PARD3: variants seen among roughly 807,000 people sequenced by gnomAD.
PARD3 encodes the protein par-3 family cell polarity regulator.
In PARD3, 75 loss-of-function variants were observed where a neutral mutation model predicts 155.4. The ratio of observed to expected loss-of-function variants is 0.48; its 90% CI spans 0.40 to 0.58. PARD3 has a LOEUF of 0.58. Ranked by LOEUF, PARD3 falls within the 20% of genes least tolerant of loss-of-function variation. The pLI, the probability that PARD3 is intolerant of heterozygous loss-of-function variation, is 0.00. For synonymous variants in PARD3, 576 were observed against 610.5 expected, an observed-to-expected ratio of 0.94 and a Z score of 0.83; for missense variants, 1,642 against 1,721.7, an observed-to-expected ratio of 0.95 and a Z score of 0.82.
intron 20 of PARD3, among the ~76,000 whole-genome samples, chr10:34,301,533 T>C (rs1367469815): frequency 6.6e-6 from 1 of 152,078 alleles, no homozygotes; most frequent in Non-Finnish European, 1.5e-5. Context: ...CTATTACTCC[T>C]TCCCTCTATA....
intron 2 of PARD3, among the ~76,000 whole-genome samples, chr10:34,591,208 C>T (rs1453514863): frequency 2.6e-5 from 4 of 152,126 alleles, no homozygotes; most frequent in Non-Finnish European, 5.9e-5. Flanking sequence ...AATTTGTGAG[C>T]CTGGACCTGC....
intron 3 of PARD3, among the ~76,000 whole-genome samples, chr10:34,480,794 CTTTTTTT>C (rs61461165): frequency 4.8e-5 from 6 of 125,770 alleles, no homozygotes; most frequent in Admixed American, 8.3e-5. Context: ...GTTTCTTTTT[CTTTTTTT>C]TTTTTTTTTT....
At chr10:34,402,160 G>T (rs1251265457) in intron 5 of PARD3, among the ~76,000 whole-genome samples, 2 of 151,648 alleles carry the variant, frequency 1.3e-5, no homozygotes, top group African/African-American at 4.8e-5. Flanking sequence ...GATAAGGAAA[G>T]AAAACAAAAA....
At chr10:34,756,026 T>C (rs188201006) in intron 1 of PARD3, among the ~76,000 whole-genome samples, 234 of 151,882 alleles carry the variant, frequency 1.5e-3, no homozygotes, top group African/African-American at 4.8e-3. Context: ...AAACTTACAA[T>C]AAGTTGTTAA....
chr10:34,566,943 G>C (rs911246240), intron 2 of PARD3, among the ~76,000 whole-genome samples: 4 of 152,078 alleles, frequency 2.6e-5, no homozygotes, highest in African/African-American at 9.7e-5. Flanking sequence ...TTCTAAAATG[G>C]TTCAGGTACT....
intron 5 of PARD3, among the ~76,000 whole-genome samples, chr10:34,421,812 T>C (rs1846214401): frequency 6.6e-6 from 1 of 152,122 alleles, no homozygotes; most frequent in African/African-American, 2.4e-5. Flanking sequence ...ATGTAAAGAA[T>C]TGTATGTATG....
Position 34,348,025 on chromosome 10 carries a change from T to C in PARD3, c.2158A>G (p.Ser720Gly), listed in dbSNP as rs748624847. 1.6e-5 allele frequency: 26 copies of C among 1,613,520 alleles called. No individual in the cohort carries two copies. Among genetic ancestry groups the C allele is most frequent in the Non-Finnish European group, 1.9e-5 (23 of 1,179,790 alleles). Reference protein sequence around the residue: ...RERRISHSLYSGIEGLDESPS... With the variant: ...RERRISHSLYGGIEGLDESPS... ...GATTCATCAAGCCCCTCAATCCCAC[T>C]GTAGAGGGAATGGGAAATTCTTCGT... Residue 720 changes from serine to glycine, a missense_variant, in exon 15 of 25, where the codon AGT becomes GGT. Around this residue, in one of 3 missense-constraint regions of PARD3, gnomAD observed 1,529 missense variants for 1,587.3 expected, o/e 0.96. Transcript: ENST00000374788.
At chr10:34,183,188 T>C (rs1950341185) in intron 22 of PARD3, among the ~76,000 whole-genome samples, 1 of 152,212 alleles carries the variant, frequency 6.6e-6, no homozygotes, top group African/African-American at 2.4e-5. Flanking sequence ...GAACTGACTA[T>C]TAACACAGCA....
At chr10:34,393,506 G>A (rs539551682) in intron 7 of PARD3, among the ~76,000 whole-genome samples, 12 of 151,910 alleles carry the variant, frequency 7.9e-5, no homozygotes, top group East Asian at 1.9e-4. Flanking sequence ...ACCTAAGCCC[G>A]GCAGGTTGAA....
At chr10:34,304,355 A>C (rs958093851) in intron 20 of PARD3, among the ~76,000 whole-genome samples, 3 of 152,020 alleles carry the variant, frequency 2.0e-5, no homozygotes, top group African/African-American at 7.3e-5. Context: ...AAAAAAAAGA[A>C]TTATTTTGGG....
chr10:34,468,324 G>A (rs533152490), intron 4 of PARD3, among the ~76,000 whole-genome samples: 1 of 152,306 alleles, frequency 6.6e-6, no homozygotes, highest in East Asian at 1.9e-4. Flanking sequence ...AACACGTTCT[G>A]TTTGCTGCAA....
chr10:34,607,879 C>G (rs757654829), intron 2 of PARD3, among the ~76,000 whole-genome samples: 1 of 152,102 alleles, frequency 6.6e-6, no homozygotes, highest in Non-Finnish European at 1.5e-5. Flanking sequence ...TTGTGGATAC[C>G]ACCCACCCTG....
chr10:34,116,037 T>C (rs1363702172), intron 24 of PARD3, among the ~76,000 whole-genome samples: 1 of 152,206 alleles, frequency 6.6e-6, no homozygotes, highest in Non-Finnish European at 1.5e-5. Context: ...AAATAAATTA[T>C]TTTAGAAAAA....
At chr10:34,643,510 A>T (rs1381624824) in intron 2 of PARD3, among the ~76,000 whole-genome samples, 1 of 152,280 alleles carries the variant, frequency 6.6e-6, no homozygotes, top group Non-Finnish European at 1.5e-5. Context: ...TAGAACAGGC[A>T]TCAAGGCCTT....
chr10:34,276,843 T>C (rs1955907672), intron 21 of PARD3, among the ~76,000 whole-genome samples: 1 of 152,202 alleles, frequency 6.6e-6, no homozygotes, highest in South Asian at 2.1e-4. Flanking sequence ...CATCTCTTTT[T>C]ACATGTTGTA....
At chr10:34,584,504 C>A (rs1157530105) in intron 2 of PARD3, among the ~76,000 whole-genome samples, 1 of 152,074 alleles carries the variant, frequency 6.6e-6, no homozygotes, top group Non-Finnish European at 1.5e-5. Flanking sequence ...TTTCTTGGCC[C>A]CATTTCATCT....
At chr10:34,585,712 G>A (rs1442062681) in intron 2 of PARD3, among the ~76,000 whole-genome samples, 1 of 151,930 alleles carries the variant, frequency 6.6e-6, no homozygotes, top group African/African-American at 2.4e-5. Flanking sequence ...GAAGGCTTCT[G>A]CCTTTTGTAA....
chr10:34,772,241 AG>A (rs1193939592), intron 1 of PARD3, among the ~76,000 whole-genome samples: 1 of 151,158 alleles, frequency 6.6e-6, no homozygotes, highest in Non-Finnish European at 1.5e-5. Context: ...TGGCCAACAT[AG>A]TGAAAGCCCG....
At chr10:34,638,628 T>C (rs1009454392) in intron 2 of PARD3, among the ~76,000 whole-genome samples, 1 of 152,214 alleles carries the variant, frequency 6.6e-6, no homozygotes, top group Non-Finnish European at 1.5e-5. Flanking sequence ...ACTCACAAAC[T>C]GGCAGTGCCC....
Sources: gnomAD v4.1 joint callset for allele counts (sites outside exome capture counted in the v4.1 genomes callset) on GRCh38, gnomAD v4.1.1 for gene constraint, gnomAD v4.1.1 regional missense constraint, MANE v1.5 for transcripts, NCBI Gene and HGNC (gene_info 2026-07-23, HGNC 2026-07-21) for gene names.